Variants in LTBP1 observed in about 807,000 individuals in gnomAD.
LTBP1 encodes latent transforming growth factor beta binding protein 1, also known as latent-transforming growth factor beta-binding protein 1.
A neutral mutation model predicts 207.6 loss-of-function variants in LTBP1; 129 were observed. The ratio of observed to expected loss-of-function variants is 0.62; its 90% CI spans 0.54 to 0.72. LTBP1 has a LOEUF of 0.72. Ranked by LOEUF, LTBP1 falls within the 30% of genes least tolerant of loss-of-function variation. LTBP1 has a pLI of 0.00. For synonymous variants in LTBP1, 963 were observed against 833.7 expected (o/e 1.16, Z -2.67); for missense variants, 2,281 against 2,217.2 (o/e 1.03, Z -0.58).
intron 23 of LTBP1, among the ~76,000 whole-genome samples, chr2:33,310,821 A>G (rs1445991930): frequency 6.6e-6 from 1 of 152,140 alleles, no homozygotes; most frequent in Non-Finnish European, 1.5e-5. Context: ...TCCTCTATTT[A>G]CTAGTGTTAG....
intron 5 of LTBP1, among the ~76,000 whole-genome samples, chr2:33,142,818 G>T (rs1241953641): frequency 6.6e-6 from 1 of 152,168 alleles, no homozygotes; most frequent in Non-Finnish European, 1.5e-5. Context: ...GGGAGTGGAT[G>T]GGGCTCCTTG....
At chr2:33,084,197 G>A (rs1369995185) in intron 3 of LTBP1, among the ~76,000 whole-genome samples, 1 of 152,184 alleles carries the variant, frequency 6.6e-6, no homozygotes, top group Non-Finnish European at 1.5e-5. Context: ...GAAACTTGAT[G>A]AGTCTGCATT....
At chr2:33,270,589 C>T (rs1325311812) in intron 15 of LTBP1, among the ~76,000 whole-genome samples, 2 of 75,342 alleles carry the variant, frequency 2.7e-5, no homozygotes, top group African/African-American at 1.1e-4. Context: ...GACTCCGTCT[C>T]AAAAAAAAAA....
At chr2:32,998,563 ATGTT>A (rs1275309009) in intron 2 of LTBP1, among the ~76,000 whole-genome samples, 1 of 140,404 alleles carries the variant, frequency 7.1e-6, no homozygotes, top group Non-Finnish European at 1.5e-5. Flanking sequence ...TATGAACTGA[ATGTT>A]TGTGTTGCAA....
chr2:33,248,219 G>C (rs140185360), intron 10 of LTBP1, among the ~76,000 whole-genome samples: 1 of 152,132 alleles, frequency 6.6e-6, no homozygotes, highest in Non-Finnish European at 1.5e-5. Context: ...TGCAAACTTC[G>C]TAAATGCCAG....
Position 33,056,462 on chromosome 2 carries a change from T to C in LTBP1, c.863+35256T>C, listed in dbSNP as rs945525741. 5.4e-6 allele frequency: 5 copies of C among 918,328 alleles called. No individual in the cohort carries two copies. In the African/African-American group the frequency reaches 8.4e-5, roughly 15 times the overall value. 56.9% of individuals were successfully genotyped at this position (918,328 alleles called of 1,614,324 possible). A position where few individuals can be genotyped will look rare whatever the true frequency, so the allele number is the denominator to read the frequency against. ...TGTTTAGTTCCCTGTTGTTGCAAATTGCCAGCTGGAGGTGATGAGGGATGA... is the reference window on the plus strand; with the variant it reads ...TGTTTAGTTCCCTGTTGTTGCAAATCGCCAGCTGGAGGTGATGAGGGATGA... On this transcript the variant is annotated intron_variant, in intron 3 of 33. Transcript: ENST00000404816.
At position 33,363,228 on chromosome 2, in the gene LTBP1, A is replaced by G. The variant is rs1168943651; in HGVS notation, c.4271-162A>G. Among the ~76,000 whole-genome samples the G allele has an allele frequency of 5.9e-5, 9 of 152,182 alleles. No homozygotes were observed. In the South Asian group the frequency reaches 6.2e-4, roughly 11 times the overall value. ...TCTGTTTATGTTTTTATGCCTGCCA[A>G]TTAGGCCTTATTTTAAGAAGGTTAT... On this transcript the variant is annotated intron_variant, in intron 28 of 33. Transcript: ENST00000404816.
chr2:33,003,299 A>G (rs954524320), intron 2 of LTBP1, among the ~76,000 whole-genome samples: 1 of 152,226 alleles, frequency 6.6e-6, no homozygotes, highest in African/African-American at 2.4e-5. Flanking sequence ...AGTGATTTTC[A>G]TCTTAGGAAC....
chr2:33,098,908 C>G (rs1475176869), intron 3 of LTBP1, among the ~76,000 whole-genome samples: 1 of 152,176 alleles, frequency 6.6e-6, no homozygotes, highest in African/African-American at 2.4e-5. Context: ...TCTGAACAGA[C>G]CTACCAAGTT....
intron 31 of LTBP1, among the ~76,000 whole-genome samples, chr2:33,388,161 C>T (rs1430848280): frequency 6.6e-6 from 1 of 152,146 alleles, no homozygotes; most frequent in East Asian, 1.9e-4. Flanking sequence ...ACCTCAGTAA[C>T]CCCGGGACAA....
rs1049355472 is a variant in LTBP1, at chr2:33,234,600, A to T, written c.1877-9062A>T. Among the ~76,000 whole-genome samples the T allele has an allele frequency of 2.6e-5, 4 of 152,348 alleles. No homozygotes were observed. In the East Asian group the frequency reaches 7.7e-4, roughly 29 times the overall value. ...ACACAAACAAATGGAAAAACATTCC[A>T]TGCTCCTGGATAGGAAGCATCAATA... is the stretch of plus-strand genomic sequence containing the variant. On this transcript the variant is annotated intron_variant, in intron 9 of 33. Transcript: ENST00000404816.
At chr2:32,975,723 CTTG>C (rs1681668614) in intron 2 of LTBP1, among the ~76,000 whole-genome samples, 2 of 146,458 alleles carry the variant, frequency 1.4e-5, no homozygotes, top group African/African-American at 2.5e-5. Flanking sequence ...TCGTGAAATT[CTTG>C]TTGTGAGTTT....
chr2:33,366,514 A>G (rs1032636654), intron 31 of LTBP1, among the ~76,000 whole-genome samples: 14 of 152,254 alleles, frequency 9.2e-5, no homozygotes, highest in Non-Finnish European at 1.6e-4. Flanking sequence ...GAAGAAAATG[A>G]ATAGCCAAGG....
intron 3 of LTBP1, among the ~76,000 whole-genome samples, chr2:33,051,014 C>T (rs1007122293): frequency 3.9e-5 from 6 of 152,142 alleles, no homozygotes; most frequent in Non-Finnish European, 8.8e-5. Flanking sequence ...TGAGCCACCG[C>T]GCCCGGCCTG....
chr2:33,093,628 C>T (rs140521992), intron 3 of LTBP1, among the ~76,000 whole-genome samples: 6 of 152,012 alleles, frequency 3.9e-5, no homozygotes, highest in Middle Eastern at 3.4e-3. Flanking sequence ...TATATATGTA[C>T]GCACATGTGT....
intron 4 of LTBP1, among the ~76,000 whole-genome samples, chr2:33,121,810 T>TG (rs113349867): frequency 0.066 from 10,048 of 152,144 alleles, 417 homozygotes; most frequent in Non-Finnish European, 0.081. Context: ...AGAGTTTTTT[T>TG]TTGTTGTTGT....
chr2:32,996,574 C>T (rs997161788), intron 2 of LTBP1, among the ~76,000 whole-genome samples: 1 of 152,142 alleles, frequency 6.6e-6, no homozygotes, highest in Admixed American at 6.6e-5. Context: ...GAGACATCTA[C>T]TATGTACAAA....
intron 5 of LTBP1, among the ~76,000 whole-genome samples, chr2:33,148,642 C>A (rs1414763669): frequency 6.6e-6 from 1 of 152,220 alleles, no homozygotes; most frequent in Non-Finnish European, 1.5e-5. Flanking sequence ...ATCTCCAATT[C>A]TCTTATTTCA....
At chr2:33,035,092 C>T (rs1573218162) in intron 3 of LTBP1, among the ~76,000 whole-genome samples, 1 of 152,154 alleles carries the variant, frequency 6.6e-6, no homozygotes, top group East Asian at 1.9e-4. Context: ...CCTTGGTTCC[C>T]CTTGTTGCCG....
Sources: allele counts gnomAD v4.1 joint callset (sites outside exome capture counted in the v4.1 genomes callset), GRCh38; gene constraint gnomAD v4.1.1; transcripts MANE v1.5; gene names NCBI Gene and HGNC (gene_info 2026-07-23, HGNC 2026-07-21).